LRRC4C: variants seen among roughly 807,000 people sequenced by gnomAD.
The protein encoded by LRRC4C is leucine rich repeat containing 4C.
A neutral mutation model predicts 33.6 loss-of-function variants in LRRC4C; 5 were observed. That is an observed-to-expected ratio of 0.15 (90% CI 0.08 to 0.31). The LOEUF (loss-of-function observed/expected upper bound fraction) is 0.31, where lower values mean the gene tolerates loss of function less well. Among genes scored for constraint, LRRC4C ranks in the 10% least tolerant of loss-of-function variants. The pLI is 1.00. For synonymous variants in LRRC4C, 329 were observed against 302.0 expected (o/e 1.09, Z -0.93); for missense variants, 560 against 796.7 (o/e 0.70, Z 3.58).
At chr11:41,056,929 C>A (rs1454738487) in intron 1 of LRRC4C, among the ~76,000 whole-genome samples, 1 of 152,152 alleles carries the variant, frequency 6.6e-6, no homozygotes, top group Non-Finnish European at 1.5e-5. Flanking sequence ...CAAGTGGGAA[C>A]CCCACCCCTA....
intron 2 of LRRC4C, among the ~76,000 whole-genome samples, chr11:40,710,396 G>A (rs1186235320): frequency 6.6e-6 from 1 of 152,090 alleles, no homozygotes; most frequent in African/African-American, 2.4e-5. Flanking sequence ...CCTTTTTGTT[G>A]ATGTTGATGC....
chr11:41,404,629 C>A (rs143879038), intron 1 of LRRC4C, among the ~76,000 whole-genome samples: 18 of 152,010 alleles, frequency 1.2e-4, no homozygotes, highest in African/African-American at 4.1e-4. Context: ...AATCAAGACC[C>A]GCATCACCAG....
chr11:40,653,603 T>C (rs1942934159), intron 2 of LRRC4C, among the ~76,000 whole-genome samples: 1 of 152,142 alleles, frequency 6.6e-6, no homozygotes, highest in Admixed American at 6.5e-5. Context: ...AAAGATATGG[T>C]TTGGAATTGA....
At chr11:41,218,929 G>A (rs1460154035) in intron 1 of LRRC4C, among the ~76,000 whole-genome samples, 1 of 151,672 alleles carries the variant, frequency 6.6e-6, no homozygotes, top group African/African-American at 2.4e-5. Context: ...CACCACGCCC[G>A]GCTAAATTTT....
intron 2 of LRRC4C, among the ~76,000 whole-genome samples, chr11:40,897,026 T>C (rs4130985): frequency 0.074 from 11,259 of 152,254 alleles, 516 homozygotes; most frequent in Admixed American, 0.16. Flanking sequence ...AAATATTTAG[T>C]AATGAAAATT....
chr11:41,222,931 C>T (rs1307646173), intron 1 of LRRC4C: 1 of 146,992 alleles, frequency 6.8e-6, no homozygotes, highest in Non-Finnish European at 1.5e-5. Flanking sequence ...CGGTCTTGAA[C>T]AAATTATTAA....
chr11:40,187,808 T>C (rs2135574336), intron 5 of LRRC4C, among the ~76,000 whole-genome samples: 1 of 152,054 alleles, frequency 6.6e-6, no homozygotes, highest in African/African-American at 2.4e-5. Flanking sequence ...CAATACCCTG[T>C]AGAGAACAGA....
At chr11:41,454,793 G>A (rs1293339571) in intron 1 of LRRC4C, among the ~76,000 whole-genome samples, 2 of 152,010 alleles carry the variant, frequency 1.3e-5, no homozygotes, top group African/African-American at 2.4e-5. Flanking sequence ...TTGGCACTCA[G>A]ATTAGTTTTG....
intron 1 of LRRC4C, among the ~76,000 whole-genome samples, chr11:41,451,986 C>T (rs1474894258): frequency 2.0e-5 from 3 of 152,072 alleles, no homozygotes; most frequent in Non-Finnish European, 4.4e-5. Context: ...TGTTATTAAT[C>T]ATTTGCTTGT....
At chr11:40,527,945 C>T (rs1238235357) in intron 3 of LRRC4C, among the ~76,000 whole-genome samples, 2 of 151,966 alleles carry the variant, frequency 1.3e-5, no homozygotes, top group Non-Finnish European at 2.9e-5. Flanking sequence ...GGGGTTTCTC[C>T]ATGTTGGTTA....
At chr11:40,605,799 C>T (rs1960519833) in intron 3 of LRRC4C, among the ~76,000 whole-genome samples, 1 of 152,180 alleles carries the variant, frequency 6.6e-6, no homozygotes, top group Admixed American at 6.5e-5. Context: ...ATAGTTCCTG[C>T]CACTAGCCCA....
chr11:40,669,418 A>AG (rs1186982321), intron 2 of LRRC4C, among the ~76,000 whole-genome samples: 5 of 152,206 alleles, frequency 3.3e-5, no homozygotes, highest in Non-Finnish European at 7.3e-5. Flanking sequence ...TCAGGCCATG[A>AG]GACCTGGCTT....
chr11:41,333,729 C>T (rs929628033), intron 1 of LRRC4C, among the ~76,000 whole-genome samples: 4 of 152,134 alleles, frequency 2.6e-5, no homozygotes, highest in African/African-American at 7.2e-5. Context: ...GTAGTAAAAT[C>T]TGGCTATTTT....
chr11:41,081,048 TAGC>T lies in LRRC4C; in HGVS notation c.-495-147328_-495-147326del, dbSNP rs199992757. ...TAGAAATTGTCTCTTAAAATGAAAA[TAGC>T]AGTCCAATAGTCAGACCCAGAGTTT... On this transcript the variant is annotated intron_variant, in intron 1 of 6. Transcript: ENST00000528697. Among the ~76,000 whole-genome samples, 432 of 152,302 alleles carry T rather than the reference TAGC, an allele frequency of 2.8e-3. 1 individual carries two copies. The highest frequency in any genetic ancestry group is 8.3e-3 in the African/African-American group (347 of 41,564).
intron 1 of LRRC4C, among the ~76,000 whole-genome samples, chr11:41,366,130 T>C (rs181872720): frequency 1.7e-4 from 26 of 152,218 alleles, no homozygotes; most frequent in African/African-American, 6.0e-4. Context: ...ATATACCTGG[T>C]AAATTATATA....
intron 2 of LRRC4C, among the ~76,000 whole-genome samples, chr11:40,920,633 C>T (rs992559647): frequency 6.6e-6 from 1 of 152,092 alleles, no homozygotes. Context: ...TGGCCAGTCT[C>T]ATGTTTACTT....
At chr11:40,131,829 A>G (rs746394712) in intron 6 of LRRC4C, among the ~76,000 whole-genome samples, 1 of 152,238 alleles carries the variant, frequency 6.6e-6, no homozygotes, top group African/African-American at 2.4e-5. Context: ...TGCGTCAACT[A>G]TAATAATATA....
chr11:40,334,644 T>C (rs1251660242), intron 3 of LRRC4C, among the ~76,000 whole-genome samples: 2 of 152,182 alleles, frequency 1.3e-5, no homozygotes, highest in Non-Finnish European at 2.9e-5. Flanking sequence ...CAGATAAATC[T>C]ATAATACATA....
chr11:41,380,370 C>T (rs1953098437), intron 1 of LRRC4C, among the ~76,000 whole-genome samples: 1 of 152,020 alleles, frequency 6.6e-6, no homozygotes, highest in South Asian at 2.1e-4. Flanking sequence ...CTCCCTCTTT[C>T]CTGTCTCATT....
Sources: gnomAD v4.1 joint callset for allele counts (sites outside exome capture counted in the v4.1 genomes callset) on GRCh38, gnomAD v4.1.1 for gene constraint, MANE v1.5 for transcripts, NCBI Gene and HGNC (gene_info 2026-07-23, HGNC 2026-07-21) for gene names.